The following ASCC1 variants were observed in gnomAD, a reference collection of about 807,000 sequenced individuals.
ASCC1 encodes the protein activating signal cointegrator 1 complex subunit 1, also known as ASC-1 complex subunit P50.
A neutral mutation model predicts 46.6 loss-of-function variants in ASCC1; 35 were observed. The ratio of observed to expected loss-of-function variants is 0.75; its 90% CI spans 0.57 to 0.99. The LOEUF (loss-of-function observed/expected upper bound fraction) is 0.99, where lower values mean the gene tolerates loss of function less well. Ranked by LOEUF, ASCC1 falls within the 50% of genes least tolerant of loss-of-function variation. ASCC1 has a pLI of 0.00. For synonymous variants in ASCC1, 143 were observed against 146.6 expected (o/e 0.98, Z 0.18); for missense variants, 376 against 428.7 (o/e 0.88, Z 1.09).
chr10:72,135,283 A>G (rs1478125613), intron 7 of ASCC1, among the ~76,000 whole-genome samples: 1 of 152,182 alleles, frequency 6.6e-6, no homozygotes, highest in Non-Finnish European at 1.5e-5. Flanking sequence ...GAACAAACAC[A>G]CACGCACACC....
chr10:72,157,947 A>G (rs1395900592), intron 6 of ASCC1, among the ~76,000 whole-genome samples: 1 of 152,196 alleles, frequency 6.6e-6, no homozygotes, highest in Non-Finnish European at 1.5e-5. Context: ...TTTTCTCCCT[A>G]TACCATCCTT....
In ASCC1 at chr10:72,156,818, G is replaced by C. The variant is rs187213835; in HGVS notation, c.627-3830C>G. Among the ~76,000 whole-genome samples the C allele has an allele frequency of 9.5e-5, 14 of 146,636 alleles. No individual in the cohort carries two copies. The East Asian group carries it at 2.6e-3, about 27-fold the overall frequency. On this transcript the variant is annotated intron_variant, in intron 6 of 9. Coordinates refer to ENST00000672957, the MANE Select transcript of ASCC1 (RefSeq NM_001198800.3). ...AAAAGGATTTTAGGATCAATCAAAAGACAGCTGGAAAAAAAGGAAAAAGTT... is the reference window on the plus strand; with the variant it reads ...AAAAGGATTTTAGGATCAATCAAAACACAGCTGGAAAAAAAGGAAAAAGTT...
chr10:72,152,195 G>GT lies in ASCC1; in HGVS notation c.746+673dup, dbSNP rs200836712. ...GGGTTTTTTTTTTTTTGTTTTTTGT[G>GT]TTTTTTTTTTGTATAGAGAGAGTTT... On this transcript the variant is annotated intron_variant, in intron 7 of 9. Coordinates refer to ENST00000672957, the MANE Select transcript of ASCC1 (RefSeq NM_001198800.3). Among the ~76,000 whole-genome samples the GT allele has an allele frequency of 4.6e-3, 641 of 140,392 alleles. 4 individuals carry two copies. The highest frequency in any genetic ancestry group is 0.03 in the South Asian group (132 of 4,434). The allele number at this position is 140,392 out of a possible 152,430, so 92.1% of individuals were successfully genotyped here.
intron 9 of ASCC1, among the ~76,000 whole-genome samples, chr10:72,115,110 A>T (rs537698715): frequency 6.6e-6 from 1 of 152,358 alleles, no homozygotes; most frequent in Non-Finnish European, 1.5e-5. Flanking sequence ...GTAGTTTGCC[A>T]AGTCCTGCTT....
chr10:72,188,121 C>CT (rs1169395541), intron 5 of ASCC1, among the ~76,000 whole-genome samples: 3,345 of 124,416 alleles, frequency 0.027, 95 homozygotes, highest in Non-Finnish European at 0.031. Flanking sequence ...AATACTTCTT[C>CT]TTTTTTTTTT....
chr10:72,154,264 A>C (rs905549211), intron 6 of ASCC1, among the ~76,000 whole-genome samples: 1 of 152,208 alleles, frequency 6.6e-6, no homozygotes. Flanking sequence ...AAAATAATAG[A>C]TCTTGACAAT....
intron 5 of ASCC1, among the ~76,000 whole-genome samples, chr10:72,196,534 G>A (rs573875211): frequency 3.3e-5 from 5 of 151,964 alleles, no homozygotes; most frequent in African/African-American, 1.2e-4. Flanking sequence ...TGCCTACCTC[G>A]GCCTCCCAAT....
At chr10:72,151,605 G>T (rs928708678) in intron 7 of ASCC1, among the ~76,000 whole-genome samples, 1 of 152,044 alleles carries the variant, frequency 6.6e-6, no homozygotes, top group Non-Finnish European at 1.5e-5. Flanking sequence ...AAAAAAAAGA[G>T]TAAACATTTT....
intron 4 of ASCC1, among the ~76,000 whole-genome samples, chr10:72,200,169 C>T (rs1384600395): frequency 1.3e-5 from 2 of 151,870 alleles, no homozygotes; most frequent in East Asian, 3.8e-4. Flanking sequence ...ATTTACACCA[C>T]GTTATAATTT....
At chr10:72,176,422 A>G (rs1173099144) in intron 5 of ASCC1, among the ~76,000 whole-genome samples, 1 of 151,894 alleles carries the variant, frequency 6.6e-6, no homozygotes, top group Non-Finnish European at 1.5e-5. Context: ...GGCTACTGTA[A>G]CCTCTATCTC....
chr10:72,199,663 T>C (rs750370875), intron 4 of ASCC1, among the ~76,000 whole-genome samples: 2 of 152,154 alleles, frequency 1.3e-5, no homozygotes, highest in Non-Finnish European at 2.9e-5. Context: ...CTCAATCTCC[T>C]GACCTCATGA....
chr10:72,143,928 C>T (rs567312676), intron 7 of ASCC1, among the ~76,000 whole-genome samples: 1 of 152,008 alleles, frequency 6.6e-6, no homozygotes, highest in South Asian at 2.1e-4. Flanking sequence ...TTATATCTTC[C>T]TGGTAAAATG....
Position 72,099,966 on chromosome 10 carries a change from G to A in ASCC1, c.958-2516C>T, listed in dbSNP as rs1026764173. Among the ~76,000 whole-genome samples, 5 of 152,142 alleles carry A rather than the reference G, an allele frequency of 3.3e-5. No individual in the cohort carries two copies. In the South Asian group the frequency reaches 6.2e-4, roughly 19 times the overall value. ...ATTTCCGTAGCAATATGGTATTTCCGTATGGTATTTCTTATGATGTTTTTA... is the reference window on the plus strand; with the variant it reads ...ATTTCCGTAGCAATATGGTATTTCCATATGGTATTTCTTATGATGTTTTTA... On this transcript the variant is annotated intron_variant, in intron 9 of 9. Transcript: ENST00000672957.
intron 5 of ASCC1, among the ~76,000 whole-genome samples, chr10:72,183,589 C>T (rs2061229647): frequency 6.6e-6 from 1 of 151,806 alleles, no homozygotes; most frequent in African/African-American, 2.4e-5. Flanking sequence ...GTGGAGGTTG[C>T]AGTAAGCTGA....
At chr10:72,106,366 C>T (rs568366428) in intron 9 of ASCC1, among the ~76,000 whole-genome samples, 2 of 152,292 alleles carry the variant, frequency 1.3e-5, no homozygotes, top group South Asian at 4.1e-4. Flanking sequence ...GGTCATATTT[C>T]TCTCTAAGAA....
At chr10:72,209,429 C>T (rs1307328911) in intron 3 of ASCC1, among the ~76,000 whole-genome samples, 2 of 152,070 alleles carry the variant, frequency 1.3e-5, no homozygotes, top group Admixed American at 1.3e-4. Context: ...CTGCAGTGAG[C>T]CAAGATTGTG....
At chr10:72,192,891 A>C (rs1030283072) in intron 5 of ASCC1, among the ~76,000 whole-genome samples, 1 of 152,246 alleles carries the variant, frequency 6.6e-6, no homozygotes, top group Non-Finnish European at 1.5e-5. Context: ...AATGTTCAAC[A>C]TCATTAGCCA....
intron 7 of ASCC1, among the ~76,000 whole-genome samples, chr10:72,148,775 G>GT (rs1193577030): frequency 6.6e-6 from 1 of 152,080 alleles, no homozygotes; most frequent in Non-Finnish European, 1.5e-5. Context: ...GTCAAAATGT[G>GT]TAACAGACCA....
At chr10:72,189,279 G>A (rs953904702) in intron 5 of ASCC1, among the ~76,000 whole-genome samples, 1 of 151,586 alleles carries the variant, frequency 6.6e-6, no homozygotes, top group African/African-American at 2.4e-5. Flanking sequence ...GGGGTGGCGG[G>A]CGCCTGTGGT....
Sources: gnomAD v4.1 joint callset for allele counts (sites outside exome capture counted in the v4.1 genomes callset) on GRCh38, gnomAD v4.1.1 for gene constraint, MANE v1.5 for transcripts, NCBI Gene and HGNC (gene_info 2026-07-23, HGNC 2026-07-21) for gene names.